The following DHODH variants were observed in gnomAD, a reference collection of about 807,000 sequenced individuals.
DHODH encodes dihydroorotate dehydrogenase (quinone), mitochondrial.
DHODH carries 30 observed loss-of-function variants against 39.7 expected under a neutral mutation model. The observed-to-expected ratio is 0.76, with a 90% CI of 0.57 to 1.02. DHODH has a LOEUF of 1.02. Among genes scored for constraint, DHODH ranks in the 50% least tolerant of loss-of-function variants. DHODH has a pLI of 0.00. For synonymous variants in DHODH, 222 were observed against 213.8 expected, an observed-to-expected ratio of 1.04 and a Z score of -0.34; for missense variants, 531 against 520.8, an observed-to-expected ratio of 1.02 and a Z score of -0.19.
chr16:72,012,049 G>T lies in DHODH; in HGVS notation c.22-1G>T. On this transcript the variant is annotated splice_acceptor_variant, in intron 1 of 8. Transcript: ENST00000219240. LOFTEE classifies it high-confidence loss of function. ...CCCCCCTAATATGCTCTTTTTTGCA[G>T]AAGCGGGCCCAGGATGCTGTGATCA... The T allele has an allele frequency of 1.9e-6, 3 of 1,613,828 alleles. No individual in the cohort carries two copies. Among genetic ancestry groups the T allele is most frequent in the Non-Finnish European group, 1.7e-6 (2 of 1,179,910 alleles).
chr16:72,012,335 ACT>A (rs2041093268), intron 2 of DHODH, 73 bp downstream of exon 2: 1 of 1,415,750 alleles, frequency 7.1e-7, no homozygotes, highest in Non-Finnish European at 9.9e-7. Flanking sequence ...CTCAGCTGGG[ACT>A]GATCTTTTTG....
At chr16:72,017,482 A>G (rs1222294655) in intron 4 of DHODH, among the ~76,000 whole-genome samples, 2 of 152,314 alleles carry the variant, frequency 1.3e-5, no homozygotes, top group East Asian at 3.9e-4. Flanking sequence ...CCATTGTGTA[A>G]ATAATGTTCA....
At chr16:72,010,508 C>G (rs1014172703) in intron 1 of DHODH, among the ~76,000 whole-genome samples, 1 of 152,116 alleles carries the variant, frequency 6.6e-6, no homozygotes, top group South Asian at 2.1e-4. Context: ...TTCTGTCTGT[C>G]GCTTCATAAG....
chr16:72,010,001 G>C (rs748073901), intron 1 of DHODH, among the ~76,000 whole-genome samples: 1 of 152,218 alleles, frequency 6.6e-6, no homozygotes. Flanking sequence ...TCCCGCCTCA[G>C]CCTCCCAAAG....
In DHODH at chr16:72,024,292, GAGCCATGTCCCCC is replaced by G; in HGVS notation, c.*101_*113del. ...ATCATGAGAGGAGGGACTCCATCTT[GAGCCATGTCCCCC>G]AGCCATGGCATGGCTGCACTGTAAA... On this transcript the variant is annotated 3_prime_UTR_variant, in exon 9 of 9. Coordinates refer to ENST00000219240, the MANE Select transcript of DHODH (RefSeq NM_001361.5). 1 of 1,392,486 alleles carries G rather than the reference GAGCCATGTCCCCC, an allele frequency of 7.2e-7. No homozygotes were observed. The highest frequency in any genetic ancestry group is 2.3e-5 in the East Asian group (1 of 43,490). 86.3% of individuals were successfully genotyped at this position (1,392,486 alleles called of 1,614,324 possible).
At position 72,012,101 on chromosome 16, in the gene DHODH, G is replaced by T. The variant is rs200549060; in HGVS notation, c.73G>T (p.Ala25Ser). Residue 25 changes from alanine (A) to serine (S), a missense_variant, in exon 2 of 9, where the codon GCC becomes TCC. By Grantham distance (99) the Ala-to-Ser change is moderately conservative. Coordinates refer to ENST00000219240, the MANE Select transcript of DHODH (RefSeq NM_001361.5). ...IILGGGGLLF[A>S]SYLMATGDER... ...CCTGGGGGGAGGAGGACTTCTCTTC[G>T]CCTCCTACCTGATGGCCACGGGAGA... 13 of 1,614,112 alleles carry T rather than the reference G, an allele frequency of 8.1e-6. 1 individual carries two copies. The South Asian group carries it at 1.3e-4, about 16-fold the overall frequency.
chr16:72,015,976 GCACA>G, intron 3 of DHODH: 1 of 676,420 alleles, frequency 1.5e-6, no homozygotes, highest in Non-Finnish European at 1.8e-6. Flanking sequence ...TAAACAACAG[GCACA>G]TTTGATATTA....
Position 72,023,529 on chromosome 16 carries a change from G to C in DHODH, c.1029G>C (p.Glu343Asp), listed in dbSNP as rs778568012. 1 of 1,614,160 alleles carries C rather than the reference G, an allele frequency of 6.2e-7. No homozygotes were observed. The highest frequency in any genetic ancestry group is 1.1e-5 in the South Asian group (1 of 91,076). Residue 343 changes from glutamate (E) to aspartate (D), a missense_variant, in exon 8 of 9, where the codon GAG (glutamate) becomes GAC (aspartate). Coordinates refer to ENST00000219240, the MANE Select transcript of DHODH (RefSeq NM_001361.5). ...GGVSSGQDAL[E>D]KIRAGASLVQ... Reference sequence around the variant, plus strand: ...TGAGCAGCGGGCAGGACGCGCTGGAGAAGATCCGGGCAGGGGCCTCCCTGG... The same window carrying C: ...TGAGCAGCGGGCAGGACGCGCTGGACAAGATCCGGGCAGGGGCCTCCCTGG...
Position 72,012,955 on chromosome 16 carries a change from C to T in DHODH, c.234+693C>T, listed in dbSNP as rs533042795. On this transcript the variant is annotated intron_variant, in intron 2 of 8. Coordinates refer to ENST00000219240, the MANE Select transcript of DHODH (RefSeq NM_001361.5). ...ACCTTCCGGGCTTAGTGCAGCAAAC[C>T]GAATAAAAGAGTCCCCATCCTCATG... Among the ~76,000 whole-genome samples the T allele has an allele frequency of 5.3e-5, 8 of 152,274 alleles. No individual in the cohort carries two copies. In the East Asian group the frequency reaches 5.8e-4, roughly 11 times the overall value.
intron 4 of DHODH, 91 bp from the exon 5 acceptor site, chr16:72,021,033 G>A (rs2041207212): frequency 1.5e-6 from 2 of 1,338,594 alleles, no homozygotes; most frequent in Admixed American, 2.1e-5. Flanking sequence ...GGCCTGCGCG[G>A]CTGTCCACAG....
At position 72,024,221 on chromosome 16, in the gene DHODH, C is replaced by T; in HGVS notation, c.*22C>T. ...GTGAGGACAGCGTCTGACGGGAAGC[C>T]TGATCTGGAACCTTCCCAAGGACTC... On this transcript the variant is annotated 3_prime_UTR_variant, in exon 9 of 9. Transcript: ENST00000219240. 6.2e-7 allele frequency: 1 copy of T among 1,613,796 alleles called. No individual in the cohort carries two copies. The highest frequency in any genetic ancestry group is 8.5e-7 in the Non-Finnish European group (1 of 1,179,778).
chr16:72,012,020 G>A (rs2041087049), intron 1 of DHODH, 30 bp from the exon 2 acceptor site: 2 of 1,606,868 alleles, frequency 1.2e-6, no homozygotes, highest in Admixed American at 1.7e-5. Context: ...CCTGGCCTGG[G>A]GGACCCCCCT....
chr16:72,017,505 G>A (rs751820961), intron 4 of DHODH, among the ~76,000 whole-genome samples: 1 of 152,072 alleles, frequency 6.6e-6, no homozygotes, highest in Non-Finnish European at 1.5e-5. Context: ...AATTATAGAA[G>A]ACTTAGTAAA....
In DHODH at chr16:72,023,554, G is replaced by T. The variant is rs1417046420; in HGVS notation, c.1054G>T (p.Val352Leu). ...LEKIRAGASL[V>L]QLYTALTFWG... ...GAAGATCCGGGCAGGGGCCTCCCTG[G>T]TGCAGCTGTACACGGCCCTCACCTT... Residue 352 changes from valine (V) to leucine (L), a missense_variant, in exon 8 of 9, where the codon GTG becomes TTG. Val to Leu is a conservative substitution (Grantham distance 32). Transcript: ENST00000219240. 1.2e-6 allele frequency: 2 copies of T among 1,614,138 alleles called. No individual in the cohort carries two copies. Among genetic ancestry groups the T allele is most frequent in the South Asian group, 2.2e-5 (2 of 91,080 alleles).
At chr16:72,022,218 G>A (rs1465107812) in intron 5 of DHODH, 144 bp from the exon 6 acceptor site, 1 of 678,090 alleles carries the variant, frequency 1.5e-6, no homozygotes, top group African/African-American at 1.8e-5. Flanking sequence ...CCTCACGTCT[G>A]AGGGCTGGCT....
At position 72,026,956 on chromosome 16, in the gene DHODH, AATTT is replaced by A. The variant is rs1249018963; in HGVS notation, c.*2758_*2761del. 3.1e-5 allele frequency: 4 copies of A among 130,948 alleles called. No homozygotes were observed. The highest frequency in any genetic ancestry group is 1.3e-4 in the African/African-American group (4 of 31,686). The allele number at this position is 130,948 out of a possible 1,614,324, so 8.1% of individuals were successfully genotyped here. A position where few individuals can be genotyped will look rare whatever the true frequency, so the allele number is the denominator to read the frequency against. On this transcript the variant is annotated 3_prime_UTR_variant, in exon 9 of 9. Transcript: ENST00000219240. ...CAGGTGCCCACTACCACACCCAGCT[AATTT>A]GTGTGTGTGTGTGTGTGTGTGTGTG...
At chr16:72,012,466 T>C (rs1394785118) in intron 2 of DHODH, among the ~76,000 whole-genome samples, 1 of 152,212 alleles carries the variant, frequency 6.6e-6, no homozygotes, top group Non-Finnish European at 1.5e-5. Flanking sequence ...TGTTAGGCGG[T>C]GTTCTTGTTT....
intron 6 of DHODH, 40 bp from the exon 7 acceptor site, chr16:72,023,125 G>T (rs2041239246): frequency 5.6e-6 from 9 of 1,612,746 alleles, no homozygotes; most frequent in Non-Finnish European, 6.8e-6. Context: ...GGGTCCTTCG[G>T]TGCTATGACT....
intron 1 of DHODH, 121 bp downstream of exon 1, chr16:72,008,906 A>T: frequency 6.5e-7 from 1 of 1,540,820 alleles, no homozygotes; most frequent in Non-Finnish European, 8.8e-7. Context: ...CCCCCCTGGG[A>T]CGTGTGCGTG....
Sources: gnomAD v4.1 joint callset for allele counts (sites outside exome capture counted in the v4.1 genomes callset) on GRCh38, gnomAD v4.1.1 for gene constraint, MANE v1.5 for transcripts, NCBI Gene and HGNC (gene_info 2026-07-23, HGNC 2026-07-21) for gene names.